BRCA1: variants seen among roughly 807,000 people sequenced by gnomAD.
BRCA1 encodes the protein breast cancer type 1 susceptibility protein.
Under a neutral mutation model 173.7 loss-of-function variants are expected in BRCA1, and 140 were observed. That is an observed-to-expected ratio of 0.81 (90% CI 0.70 to 0.93). The LOEUF (loss-of-function observed/expected upper bound fraction) is 0.93. Ranked by LOEUF, BRCA1 falls within the 40% of genes least tolerant of loss-of-function variation. The pLI is 0.00. For synonymous variants in BRCA1, 662 were observed against 756.0 expected, an observed-to-expected ratio of 0.88 and a Z score of 2.04; for missense variants, 1,983 against 2,172.5, an observed-to-expected ratio of 0.91 and a Z score of 1.73.
intron 9 of BRCA1, 73 bp from the exon 10 acceptor site, chr17:43,094,933 T>C (rs1245635145): frequency 1.4e-6 from 2 of 1,408,726 alleles, no homozygotes; most frequent in Non-Finnish European, 1.9e-6. Context: ...TTCATACACC[T>C]TGGAGGTGGA....
At chr17:43,103,356 A>T (rs2054574823) in intron 6 of BRCA1, among the ~76,000 whole-genome samples, 1 of 151,616 alleles carries the variant, frequency 6.6e-6, no homozygotes, top group East Asian at 1.9e-4. Flanking sequence ...AGTCCCAACT[A>T]CTCAGGAGGC....
intron 1 of BRCA1, chr17:43,170,092 T>TG (rs1237630769): frequency 1.2e-5 from 4 of 330,986 alleles, no homozygotes; most frequent in Non-Finnish European, 2.4e-5. Context: ...CGGGCGAGTG[T>TG]GGGGCTGGGG....
At chr17:43,169,462 C>T (rs992537348) in intron 1 of BRCA1, among the ~76,000 whole-genome samples, 3 of 152,212 alleles carry the variant, frequency 2.0e-5, no homozygotes, top group African/African-American at 7.2e-5. Context: ...CCACCATCCC[C>T]GGCGACCAGC....
chr17:43,156,492 C>G (rs2056198034), intron 1 of BRCA1, among the ~76,000 whole-genome samples: 1 of 152,106 alleles, frequency 6.6e-6, no homozygotes, highest in Non-Finnish European at 1.5e-5. Context: ...TCTCCTTGGG[C>G]TATTGCAAGA....
chr17:43,066,940 C>T (rs1031787876), intron 16 of BRCA1, among the ~76,000 whole-genome samples: 2 of 151,020 alleles, frequency 1.3e-5, no homozygotes, highest in Non-Finnish European at 2.9e-5. Context: ...GCCTCAGCCT[C>T]CTGAGTAGCT....
At chr17:43,111,785 G>A (rs1247663712) in intron 3 of BRCA1, among the ~76,000 whole-genome samples, 2 of 152,030 alleles carry the variant, frequency 1.3e-5, no homozygotes, top group Admixed American at 6.6e-5. Context: ...CTGCACCACC[G>A]CACTCCAGCC....
upstream of BRCA1, among the ~76,000 whole-genome samples, chr17:43,129,509 G>A (rs1367962205): frequency 1.3e-5 from 2 of 151,446 alleles, no homozygotes; most frequent in East Asian, 1.9e-4. Context: ...TCGCTCTGTC[G>A]CCCAGCCTGA....
chr17:43,083,832 G>A (rs1452391743), intron 11 of BRCA1, among the ~76,000 whole-genome samples: 1 of 152,088 alleles, frequency 6.6e-6, no homozygotes, highest in Non-Finnish European at 1.5e-5. Flanking sequence ...TATGTAAGGA[G>A]TTTTCCAAAA....
chr17:43,130,503 G>A (rs1431334797), intron 1 of BRCA1, among the ~76,000 whole-genome samples: 2 of 152,058 alleles, frequency 1.3e-5, no homozygotes, highest in African/African-American at 2.4e-5. Context: ...TATTAGAGAC[G>A]AAGTTTCACC....
At chr17:43,105,012 G>A (rs2054702939) in intron 4 of BRCA1, 56 bp from the exon 5 acceptor site, 1 of 1,392,642 alleles carries the variant, frequency 7.2e-7, no homozygotes, top group Non-Finnish European at 1.0e-6. Context: ...ACCTTTTAAG[G>A]ACACTAAAAT....
chr17:43,100,646 C>A (rs1277575932), intron 6 of BRCA1, among the ~76,000 whole-genome samples: 20 of 42,032 alleles, frequency 4.8e-4, no homozygotes, highest in East Asian at 7.1e-4. Context: ...ATATATATAA[C>A]ATATATATAA....
rs730881478 is a variant in BRCA1, at chr17:43,093,383, A to G, written c.2148T>C (p.Ser716=). The G allele has an allele frequency of 1.2e-6, 2 of 1,614,006 alleles. No homozygotes were observed. The highest frequency in any genetic ancestry group is 1.7e-6 in the Non-Finnish European group (2 of 1,179,984). The change falls in exon 10 of 23, where the codon AGT becomes AGC. Residue 716 remains serine (S), a synonymous_variant. Transcript: ENST00000357654. ...PGSFTKCSNT[S]ELKEFVNPSL... ...TAGGATTGACAAATTCTTTAAGTTC[A>G]CTGGTATTTGAACACTTAGTAAAAG...
intron 3 of BRCA1, among the ~76,000 whole-genome samples, chr17:43,111,290 C>T (rs893487676): frequency 2.0e-5 from 3 of 151,510 alleles, no homozygotes; most frequent in Non-Finnish European, 1.5e-5. Context: ...GAGGCCAAGG[C>T]GAGCAGATCA....
At chr17:43,064,826 C>CTT (rs2051984881) in intron 16 of BRCA1, among the ~76,000 whole-genome samples, 2 of 130,728 alleles carry the variant, frequency 1.5e-5, no homozygotes, top group African/African-American at 2.9e-5. Flanking sequence ...ATTTGATTTG[C>CTT]ATTTTTTTTT....
chr17:43,113,390 CAG>C (rs1429873113), intron 3 of BRCA1, among the ~76,000 whole-genome samples: 5 of 151,554 alleles, frequency 3.3e-5, no homozygotes, highest in South Asian at 4.2e-4. Context: ...TTTTTTCAGA[CAG>C]AGTCTCACTC....
intron 11 of BRCA1, among the ~76,000 whole-genome samples, chr17:43,083,713 C>G (rs2053118008): frequency 6.6e-6 from 1 of 152,084 alleles, no homozygotes; most frequent in Admixed American, 6.6e-5. Flanking sequence ...AGGATAGTTA[C>G]TGTTTTTAAA....
chr17:43,099,761 C>G lies in BRCA1; in HGVS notation c.547+14G>C, dbSNP rs932782447. The stretch of plus-strand genomic sequence containing the variant: ...CAATTATTATTAAATACTTAAAAAA[C>G]CTGAGACCCTTACCCAATTCAATGT... On this transcript the variant is annotated intron_variant, in intron 7 of 22. Coordinates refer to ENST00000357654, the MANE Select transcript of BRCA1 (RefSeq NM_007294.4). The G allele has an allele frequency of 6.3e-7, 1 of 1,581,798 alleles. No individual in the cohort carries two copies. The highest frequency in any genetic ancestry group is 1.1e-5 in the South Asian group (1 of 90,352).
intron 21 of BRCA1, 113 bp downstream of exon 21, chr17:43,049,008 G>A: frequency 9.9e-7 from 1 of 1,009,214 alleles, no homozygotes; most frequent in Middle Eastern, 2.2e-4. Context: ...TATGTGGGCA[G>A]AGAAGACTTC....
intron 7 of BRCA1, among the ~76,000 whole-genome samples, chr17:43,098,525 ATTTT>A (rs80083136): frequency 7.3e-6 from 1 of 136,832 alleles, no homozygotes; most frequent in Non-Finnish European, 1.6e-5. Context: ...CACCCAGCTA[ATTTT>A]TTTTTTTTTT....
Sources: gnomAD v4.1 joint callset for allele counts (sites outside exome capture counted in the v4.1 genomes callset) on GRCh38, gnomAD v4.1.1 for gene constraint, MANE v1.5 for transcripts, NCBI Gene and HGNC (gene_info 2026-07-23, HGNC 2026-07-21) for gene names.